Variants in PDE11A observed in about 807,000 individuals in gnomAD.
The protein encoded by PDE11A is phosphodiesterase 11A.
PDE11A carries 100 observed loss-of-function variants against 100.5 expected under a neutral mutation model. That is an observed-to-expected ratio of 1.00 (90% CI 0.85 to 1.18). PDE11A has a LOEUF of 1.18. Ranked by LOEUF, PDE11A falls within the 50% of genes most tolerant of loss-of-function variation. PDE11A has a pLI of 0.00. For missense variants in PDE11A, 1,141 were observed against 1,152.6 expected, an observed-to-expected ratio of 0.99 and a Z score of 0.15; for synonymous variants, 381 against 420.8, an observed-to-expected ratio of 0.91 and a Z score of 1.16.
At chr2:177,721,771 A>C (rs559754978) in intron 12 of PDE11A, among the ~76,000 whole-genome samples, 1 of 152,272 alleles carries the variant, frequency 6.6e-6, no homozygotes, top group South Asian at 2.1e-4. Flanking sequence ...GCTGCACATT[A>C]ATTGTGTAGA....
rs2086086392 is a variant in PDE11A, at chr2:177,997,181, G to T, written c.1071+17121C>A. ...TAAGCTCATGACTATGCTGAAGAAT[G>T]CTGATGTCTTATTCAGTAGAGTCTT... is the stretch of plus-strand genomic sequence containing the variant. On this transcript the variant is annotated intron_variant, in intron 2 of 19. Coordinates refer to ENST00000286063, the MANE Select transcript of PDE11A (RefSeq NM_016953.4). 5 of 1,229,680 alleles carry T rather than the reference G, an allele frequency of 4.1e-6. No individual in the cohort carries two copies. The East Asian group carries it at 9.7e-5, about 24-fold the overall frequency. 76.2% of individuals were successfully genotyped at this position (1,229,680 alleles called of 1,614,324 possible). A position where few individuals can be genotyped will look rare whatever the true frequency, so the allele number is the denominator to read the frequency against.
chr2:178,039,074 T>C (rs1038914880), intron 1 of PDE11A: 4 of 152,052 alleles, frequency 2.6e-5, no homozygotes, highest in African/African-American at 9.7e-5. Flanking sequence ...TGCACACGAG[T>C]GTTCATTGAA....
At position 177,820,270 on chromosome 2, in the gene PDE11A, A is replaced by C. The variant is rs1233721710; in HGVS notation, c.1526T>G (p.Ile509Arg). The C allele has an allele frequency of 2.5e-6, 4 of 1,590,838 alleles. No individual in the cohort carries two copies. The highest frequency in any genetic ancestry group is 3.5e-6 in the Non-Finnish European group (4 of 1,159,334). Residue 509 changes from isoleucine to arginine, a missense_variant, in exon 7 of 20, where the codon ATA (isoleucine) becomes AGA (arginine). By Grantham distance (97) the Ile-to-Arg change is moderately conservative. Transcript: ENST00000286063. ...AEADQISGFH[I>R]RSVLCVPIWN... Reference sequence around the variant, plus strand: ...AATAGGGACACAAAGAACAGATCTTATGTGAAAACCAGATATCTGGTCTGC... The same window carrying C: ...AATAGGGACACAAAGAACAGATCTTCTGTGAAAACCAGATATCTGGTCTGC...
intron 15 of PDE11A, among the ~76,000 whole-genome samples, chr2:177,696,267 A>G (rs989111065): frequency 6.6e-6 from 1 of 152,184 alleles, no homozygotes; most frequent in Non-Finnish European, 1.5e-5. Flanking sequence ...CACAGGTCAT[A>G]ACATAAATAT....
At chr2:178,074,597 T>C (rs1315940926), upstream of PDE11A, among the ~76,000 whole-genome samples, 1 of 152,144 alleles carries the variant, frequency 6.6e-6, no homozygotes, top group Admixed American at 6.5e-5. Flanking sequence ...CCATCTTCCA[T>C]GTATTCATTA....
intron 10 of PDE11A, among the ~76,000 whole-genome samples, chr2:177,764,432 A>G (rs1281887098): frequency 6.6e-6 from 1 of 152,216 alleles, no homozygotes; most frequent in African/African-American, 2.4e-5. Flanking sequence ...CACAACATCC[A>G]TGAGTTGATT....
chr2:177,831,241 A>C (rs1012379251), intron 6 of PDE11A, among the ~76,000 whole-genome samples: 5 of 152,240 alleles, frequency 3.3e-5, no homozygotes, highest in African/African-American at 1.2e-4. Flanking sequence ...CTCAGCAGGC[A>C]TCTGACAGCA....
chr2:177,711,721 G>T, intron 13 of PDE11A, 48 bp downstream of exon 13: 2 of 1,052,776 alleles, frequency 1.9e-6, no homozygotes, highest in South Asian at 2.6e-5. Flanking sequence ...CTTTGGCTCT[G>T]AACAGAAAGG....
At chr2:177,769,141 C>T (rs1311896254) in intron 10 of PDE11A, among the ~76,000 whole-genome samples, 182 bp downstream of exon 10, 2 of 152,080 alleles carry the variant, frequency 1.3e-5, no homozygotes, top group Non-Finnish European at 2.9e-5. Flanking sequence ...AAAATGACTA[C>T]TCAGTTATAC....
intron 6 of PDE11A, among the ~76,000 whole-genome samples, chr2:177,837,532 G>T (rs2083425225): frequency 6.6e-6 from 1 of 150,764 alleles, no homozygotes; most frequent in South Asian, 2.1e-4. Context: ...GGAGTGCAGT[G>T]GCGCGATCTC....
At chr2:177,968,682 C>T (rs1318988694) in intron 2 of PDE11A, among the ~76,000 whole-genome samples, 1 of 152,074 alleles carries the variant, frequency 6.6e-6, no homozygotes, top group Non-Finnish European at 1.5e-5. Context: ...AAAAGCTAAC[C>T]ATTACTAGAG....
At chr2:177,829,733 T>C (rs2083281570) in intron 6 of PDE11A, among the ~76,000 whole-genome samples, 1 of 151,948 alleles carries the variant, frequency 6.6e-6, no homozygotes, top group African/African-American at 2.4e-5. Context: ...ATTACAGGCA[T>C]GAGCCACTGT....
intron 2 of PDE11A, among the ~76,000 whole-genome samples, chr2:177,929,374 C>T (rs1242620975): frequency 1.3e-5 from 2 of 152,202 alleles, no homozygotes; most frequent in Non-Finnish European, 2.9e-5. Context: ...AACACTGATT[C>T]AATGTCTCTA....
At chr2:177,647,232 T>C (rs1351666267) in intron 19 of PDE11A, among the ~76,000 whole-genome samples, 1 of 152,228 alleles carries the variant, frequency 6.6e-6, no homozygotes, top group African/African-American at 2.4e-5. Context: ...GTAAAAAGGA[T>C]CACTTAAAAC....
At chr2:177,937,346 C>A (rs925526150) in intron 2 of PDE11A, among the ~76,000 whole-genome samples, 35 of 119,988 alleles carry the variant, frequency 2.9e-4, no homozygotes, top group Admixed American at 5.3e-4. Context: ...TTGATGGAGT[C>A]TTGCACTGTC....
intron 5 of PDE11A, among the ~76,000 whole-genome samples, chr2:177,871,538 AT>A (rs939383213): frequency 9.4e-6 from 1 of 105,984 alleles, no homozygotes; most frequent in African/African-American, 4.4e-5. Flanking sequence ...TATTATTATT[AT>A]TATTATTATT....
rs748416574 is a variant in PDE11A, at chr2:178,071,637, C to A, written c.801G>T (p.Leu267=). 6.2e-7 allele frequency: 1 copy of A among 1,613,572 alleles called. No homozygotes were observed. ...FFDVHAGTPL[L]PCSSTENSNE... ...TTGAGTTCTCTGTGCTGCTGCAAGGCAGCAGAGGTGTTCCTGCATGCACAT... is the reference window on the plus strand; with the variant it reads ...TTGAGTTCTCTGTGCTGCTGCAAGGAAGCAGAGGTGTTCCTGCATGCACAT... The change falls in exon 1 of 20, where the codon CTG becomes CTT. Residue 267 remains leucine (L), a synonymous_variant. Transcript: ENST00000286063.
At chr2:178,090,017 T>C (rs2087402005) in intron 2 of PDE11A, among the ~76,000 whole-genome samples, 1 of 152,214 alleles carries the variant, frequency 6.6e-6, no homozygotes, top group Admixed American at 6.5e-5. Flanking sequence ...TAGTTACAAG[T>C]ATAATTTGTA....
At chr2:177,919,701 A>G in intron 2 of PDE11A, among the ~76,000 whole-genome samples, 1 of 152,294 alleles carries the variant, frequency 6.6e-6, no homozygotes, top group African/African-American at 2.4e-5. Context: ...TATTGAATCA[A>G]TATTAAAAAG....
Sources: allele counts gnomAD v4.1 joint callset (sites outside exome capture counted in the v4.1 genomes callset), GRCh38; gene constraint gnomAD v4.1.1; transcripts MANE v1.5; gene names NCBI Gene and HGNC (gene_info 2026-07-23, HGNC 2026-07-21).